The following TNR variants were observed in gnomAD, a reference collection of about 807,000 sequenced individuals.
TNR encodes tenascin-R.
TNR carries 45 observed loss-of-function variants against 150.4 expected under a neutral mutation model. The ratio of observed to expected loss-of-function variants is 0.30; its 90% CI spans 0.24 to 0.38. The LOEUF (loss-of-function observed/expected upper bound fraction) is 0.38. TNR is among the 10% of genes least tolerant of loss of function. The pLI is 1.00. For synonymous variants in TNR, 687 were observed against 678.4 expected, an observed-to-expected ratio of 1.01 and a Z score of -0.20; for missense variants, 1,544 against 1,759.1, an observed-to-expected ratio of 0.88 and a Z score of 2.19.
chr1:175,622,640 T>TAGAGA (rs1664017910), intron 1 of TNR, among the ~76,000 whole-genome samples: 1 of 152,200 alleles, frequency 6.6e-6, no homozygotes, highest in Admixed American at 6.5e-5. Context: ...CTCTCTAGAC[T>TAGAGA]GCTTTAGATG....
At chr1:175,459,566 G>A (rs981745205) in intron 2 of TNR, among the ~76,000 whole-genome samples, 1 of 152,186 alleles carries the variant, frequency 6.6e-6, no homozygotes, top group African/African-American at 2.4e-5. Flanking sequence ...CAAAGAAAAT[G>A]CATTAAGTAA....
chr1:175,625,196 T>G (rs1258184748), intron 1 of TNR, among the ~76,000 whole-genome samples: 1 of 152,236 alleles, frequency 6.6e-6, no homozygotes, highest in African/African-American at 2.4e-5. Context: ...CTTTCTGATG[T>G]TTTTTTCCTT....
intron 1 of TNR, among the ~76,000 whole-genome samples, chr1:175,650,878 T>A (rs1431754794): frequency 2.6e-5 from 1 of 37,758 alleles, no homozygotes; most frequent in Non-Finnish European, 4.8e-5. Flanking sequence ...TTCCTCCTCC[T>A]CCCCACCTCA....
intron 1 of TNR, among the ~76,000 whole-genome samples, chr1:175,715,702 A>G (rs781639069): frequency 6.6e-6 from 1 of 152,138 alleles, no homozygotes; most frequent in Non-Finnish European, 1.5e-5. Flanking sequence ...GGCTGATTAC[A>G]TTGTTTTCCC....
chr1:175,331,057 CTTTCTTTCT>C (rs1557867761), intron 20 of TNR, among the ~76,000 whole-genome samples: 10 of 119,912 alleles, frequency 8.3e-5, no homozygotes, highest in African/African-American at 2.6e-4. Context: ...TTCTTTCTTT[CTTTCTTTCT>C]TTCTTTCTTT....
intron 11 of TNR, among the ~76,000 whole-genome samples, chr1:175,365,550 A>G (rs952740988): frequency 6.6e-6 from 1 of 152,214 alleles, no homozygotes; most frequent in Non-Finnish European, 1.5e-5. Flanking sequence ...GTATCCTGGA[A>G]TGAATTTTAT....
intron 1 of TNR, among the ~76,000 whole-genome samples, chr1:175,692,958 T>G (rs1392803408): frequency 6.6e-6 from 1 of 152,192 alleles, no homozygotes; most frequent in Non-Finnish European, 1.5e-5. Context: ...CAACAAATAT[T>G]CATTGAACAT....
chr1:175,595,704 G>C (rs111888991), intron 1 of TNR, among the ~76,000 whole-genome samples: 234 of 152,316 alleles, frequency 1.5e-3, no homozygotes, highest in African/African-American at 5.4e-3. Context: ...AATGGAGACA[G>C]TGTCATGGAA....
intron 1 of TNR, among the ~76,000 whole-genome samples, chr1:175,700,625 C>T (rs1666664502): frequency 6.6e-6 from 1 of 152,150 alleles, no homozygotes; most frequent in African/African-American, 2.4e-5. Flanking sequence ...ACTGTTAAAA[C>T]AGGCATGAGA....
intron 1 of TNR, among the ~76,000 whole-genome samples, chr1:175,631,141 T>C (rs1292946224): frequency 1.3e-5 from 2 of 152,206 alleles, no homozygotes; most frequent in Admixed American, 6.5e-5. Flanking sequence ...TCATCCCTCA[T>C]TGTGAGACTT....
intron 1 of TNR, among the ~76,000 whole-genome samples, chr1:175,595,709 A>G (rs1662980411): frequency 6.6e-6 from 1 of 152,226 alleles, no homozygotes; most frequent in African/African-American, 2.4e-5. Flanking sequence ...AGACAGTGTC[A>G]TGGAACAGAA....
At chr1:175,679,976 A>G (rs1161447251) in intron 1 of TNR, among the ~76,000 whole-genome samples, 1 of 152,104 alleles carries the variant, frequency 6.6e-6, no homozygotes, top group Non-Finnish European at 1.5e-5. Flanking sequence ...GGGAAGACAG[A>G]GCTTCCCCAT....
chr1:175,343,129 A>T (rs542700263), intron 18 of TNR, among the ~76,000 whole-genome samples: 1 of 152,298 alleles, frequency 6.6e-6, no homozygotes, highest in East Asian at 1.9e-4. Flanking sequence ...ATTTCATCCT[A>T]TCTTTTACTT....
intron 2 of TNR, among the ~76,000 whole-genome samples, chr1:175,428,201 GC>G (rs1160666487): frequency 6.6e-6 from 1 of 152,168 alleles, no homozygotes; most frequent in East Asian, 1.9e-4. Flanking sequence ...TTTTAGGGAA[GC>G]TTTTCATCAG....
chr1:175,350,303 A>G (rs2102001770), intron 18 of TNR, among the ~76,000 whole-genome samples: 1 of 152,350 alleles, frequency 6.6e-6, no homozygotes, highest in South Asian at 2.1e-4. Context: ...CTCAAGGTCA[A>G]GACAACCTAT....
intron 2 of TNR, among the ~76,000 whole-genome samples, chr1:175,460,162 G>A (rs1656751466): frequency 6.6e-6 from 1 of 152,156 alleles, no homozygotes; most frequent in African/African-American, 2.4e-5. Flanking sequence ...CAGTGAAGGT[G>A]TGAGAGGGGA....
At chr1:175,516,359 A>T (rs1316339118) in intron 2 of TNR, among the ~76,000 whole-genome samples, 1 of 152,214 alleles carries the variant, frequency 6.6e-6, no homozygotes, top group Non-Finnish European at 1.5e-5. Flanking sequence ...TTAATGAATG[A>T]TTAGCAGCTA....
intron 1 of TNR, among the ~76,000 whole-genome samples, chr1:175,549,166 G>A (rs1353385154): frequency 6.6e-6 from 1 of 152,204 alleles, no homozygotes; most frequent in Non-Finnish European, 1.5e-5. Flanking sequence ...GCCCACTGAG[G>A]GTCTGCTTTG....
chr1:175,482,382 A>G (rs1657849061), intron 2 of TNR, among the ~76,000 whole-genome samples: 1 of 152,228 alleles, frequency 6.6e-6, no homozygotes, highest in Non-Finnish European at 1.5e-5. Flanking sequence ...TTCTTGCTGA[A>G]CATAATGAAC....
Sources: allele counts gnomAD v4.1 joint callset (sites outside exome capture counted in the v4.1 genomes callset), GRCh38; gene constraint gnomAD v4.1.1; transcripts MANE v1.5; gene names NCBI Gene and HGNC (gene_info 2026-07-23, HGNC 2026-07-21).